The following OTC variants were observed in gnomAD, a reference collection of about 807,000 sequenced individuals.
The protein encoded by OTC is ornithine transcarbamylase, mitochondrial.
In OTC, 3 loss-of-function variants were observed where a neutral mutation model predicts 30.3. The observed-to-expected ratio is 0.10, with a 90% CI of 0.05 to 0.26. The LOEUF (loss-of-function observed/expected upper bound fraction) is 0.26, where lower values mean the gene tolerates loss of function less well. OTC is among the 10% of genes least tolerant of loss of function. The pLI is 1.00. For missense variants in OTC, 194 were observed against 260.3 expected (o/e 0.75, Z 1.75); for synonymous variants, 111 against 99.7 (o/e 1.11, Z -0.67).
chrX:38,333,996 C>T, the OTC span, among the ~76,000 whole-genome samples: 1 of 112,407 alleles, frequency 8.9e-6, no homozygotes, highest in Non-Finnish European at 1.9e-5. Context: ...AAGGCAGGTA[C>T]AGTCTACTGC....
chrX:38,370,747 TTTC>T lies in OTC; in HGVS notation c.298+873_298+875del, dbSNP rs756994312. Among the ~76,000 whole-genome samples the T allele has an allele frequency of 4.5e-4, 50 of 111,225 alleles. No individual in the cohort carries two copies. The East Asian group carries it at 6.5e-3, about 15-fold the overall frequency. On this transcript the variant is annotated intron_variant, in intron 3 of 9. Coordinates refer to ENST00000039007, the MANE Select transcript of OTC (RefSeq NM_000531.6). ...GCTGAGAGTCCCTGTTTTCCTTTTT[TTTC>T]TTTTCACCCGATAAACCCTGCTCTT...
At chrX:38,344,236 T>C in the OTC span, among the ~76,000 whole-genome samples, 10,705 of 32,865 alleles carry the variant, frequency 0.33, 663 homozygotes, top group East Asian at 0.59. Flanking sequence ...GTGATATATA[T>C]ATATACACAC....
At chrX:38,337,579 C>T in the OTC span, among the ~76,000 whole-genome samples, 2 of 111,927 alleles carry the variant, frequency 1.8e-5, no homozygotes, top group African/African-American at 6.5e-5. Context: ...GTGAGAGGCA[C>T]TGCTTGAAGG....
At chrX:38,348,015 C>T (rs1286944412), upstream of OTC, among the ~76,000 whole-genome samples, 1 of 112,268 alleles carries the variant, frequency 8.9e-6, no homozygotes, top group Non-Finnish European at 1.9e-5. Flanking sequence ...CTTTATATCC[C>T]CAATAGCAAC....
At chrX:38,340,069 G>A in the OTC span, among the ~76,000 whole-genome samples, 2 of 112,337 alleles carry the variant, frequency 1.8e-5, no homozygotes, top group Non-Finnish European at 3.8e-5. Flanking sequence ...AAAGGGCAGT[G>A]TTGGGATGAA....
chrX:38,364,948 G>A (rs1175028870), intron 1 of OTC, among the ~76,000 whole-genome samples: 1 of 112,206 alleles, frequency 8.9e-6, no homozygotes, highest in African/African-American at 3.2e-5. Flanking sequence ...AACATTAAAT[G>A]AACCAATCAA....
At chrX:38,379,306 G>A (rs1232096681) in intron 3 of OTC, among the ~76,000 whole-genome samples, 1 of 111,664 alleles carries the variant, frequency 9.0e-6, no homozygotes, top group African/African-American at 3.3e-5. Context: ...GCAAGGCCTA[G>A]GGCTGTGGAG....
At chrX:38,415,049 A>C in intron 9 of OTC, among the ~76,000 whole-genome samples, 1 of 110,881 alleles carries the variant, frequency 9.0e-6, no homozygotes, top group Non-Finnish European at 1.9e-5. Context: ...TTCCTATTCT[A>C]TAGGCAAATA....
In OTC at chrX:38,381,409, A is replaced by G; in HGVS notation, c.366A>G (p.Glu122=). 1 of 1,195,269 alleles carries G rather than the reference A, an allele frequency of 8.4e-7. No homozygotes were observed. Among genetic ancestry groups the G allele is most frequent in the Non-Finnish European group, 1.1e-6 (1 of 880,532 alleles). The change falls in exon 4 of 10, where the codon GAA becomes GAG. Residue 122 remains glutamate (E), a synonymous_variant. Transcript: ENST00000039007. ...TTQDIHLGVN[E]SLTDTARVLS... is the part of the protein sequence containing the mutation. ...AAGATATTCATTTGGGTGTGAATGA[A>G]AGTCTCACGGACACGGCCCGGTTTG...
At chrX:38,401,641 A>G (rs920740271) in intron 5 of OTC, among the ~76,000 whole-genome samples, 1 of 110,955 alleles carries the variant, frequency 9.0e-6, no homozygotes. Flanking sequence ...CTATTCCCAA[A>G]CCCTTTTAGC....
In OTC at chrX:38,381,461, A is replaced by T. The variant is rs767137317; in HGVS notation, c.386+32A>T. Reference sequence around the variant, plus strand: ...AAATATTTTCTTCTCTCCAAAGCTGATTTCAGAATCTGATGGATAAATTTC... The same window carrying T: ...AAATATTTTCTTCTCTCCAAAGCTGTTTTCAGAATCTGATGGATAAATTTC... On this transcript the variant is annotated intron_variant, in intron 4 of 9. Transcript: ENST00000039007. 7 of 938,229 alleles carry T rather than the reference A, an allele frequency of 7.5e-6. No individual in the cohort carries two copies. The African/African-American group carries it at 1.3e-4, about 18-fold the overall frequency. 77.3% of individuals were successfully genotyped at this position (938,229 alleles called of 1,213,427 possible). A position where few individuals can be genotyped will look rare whatever the true frequency, so the allele number is the denominator to read the frequency against.
chrX:38,384,598 C>T lies in OTC; in HGVS notation c.386+3169C>T, dbSNP rs183053218. Among the ~76,000 whole-genome samples, 30 of 112,000 alleles carry T rather than the reference C, an allele frequency of 2.7e-4. 1 individual carries two copies. The East Asian group carries it at 8.2e-3, about 31-fold the overall frequency. ...TCCTTTGCTTTTTGTAGAAGTTTAACATTTTAAGGTGCAAAGGGATTGGAG... is the reference window on the plus strand; with the variant it reads ...TCCTTTGCTTTTTGTAGAAGTTTAATATTTTAAGGTGCAAAGGGATTGGAG... On this transcript the variant is annotated intron_variant, in intron 4 of 9. Coordinates refer to ENST00000039007, the MANE Select transcript of OTC (RefSeq NM_000531.6).
chrX:38,340,275 T>C, the OTC span, among the ~76,000 whole-genome samples: 1 of 111,186 alleles, frequency 9.0e-6, no homozygotes, highest in Non-Finnish European at 1.9e-5. Context: ...GTCCCCAAGC[T>C]TCCCCAGACC....
chrX:38,371,322 A>G (rs185800303), intron 3 of OTC, among the ~76,000 whole-genome samples: 1 of 111,284 alleles, frequency 9.0e-6, no homozygotes, highest in East Asian at 2.8e-4. Context: ...CAAAATGGAC[A>G]CTTTGAAACT....
At chrX:38,336,928 T>A in the OTC span, among the ~76,000 whole-genome samples, 18 of 112,371 alleles carry the variant, frequency 1.6e-4, no homozygotes, top group African/African-American at 5.8e-4. Flanking sequence ...TTTATTAATC[T>A]GCAACAGGAA....
intron 2 of OTC, 120 bp from the exon 3 acceptor site, chrX:38,369,676 A>G (rs1035194541): frequency 2.5e-5 from 9 of 358,920 alleles, no homozygotes; most frequent in Non-Finnish European, 2.3e-5. Flanking sequence ...CACTTTTTAA[A>G]CAATATTTTA....
chrX:38,409,172 C>T, intron 8 of OTC, 147 bp downstream of exon 8: 2 of 634,192 alleles, frequency 3.2e-6, no homozygotes, highest in Non-Finnish European at 5.0e-6. Flanking sequence ...GGACTTCTCT[C>T]CTTCCAAAGA....
At chrX:38,330,172 A>G in the OTC span, among the ~76,000 whole-genome samples, 2 of 111,635 alleles carry the variant, frequency 1.8e-5, no homozygotes, top group Admixed American at 9.5e-5. Flanking sequence ...GAGAGATACA[A>G]CAGCGCTGGC....
chrX:38,369,371 G>A (rs1171215820), intron 2 of OTC, among the ~76,000 whole-genome samples: 1 of 108,086 alleles, frequency 9.3e-6, no homozygotes, highest in African/African-American at 3.4e-5. Flanking sequence ...TTTTTGAGAT[G>A]GAATATTGCT....
Sources: allele counts gnomAD v4.1 joint callset (sites outside exome capture counted in the v4.1 genomes callset), GRCh38; gene constraint gnomAD v4.1.1; transcripts MANE v1.5; gene names NCBI Gene and HGNC (gene_info 2026-07-23, HGNC 2026-07-21).